Variants in PLXNA4 observed in about 807,000 individuals in gnomAD.
The protein encoded by PLXNA4 is plexin-A4.
In PLXNA4, 44 loss-of-function variants were observed where a neutral mutation model predicts 191.8. That is an observed-to-expected ratio of 0.23 (90% confidence interval 0.18 to 0.29). The LOEUF is 0.29. PLXNA4 is among the 10% of genes least tolerant of loss of function. The pLI, the probability that PLXNA4 is intolerant of heterozygous loss-of-function variation, is 1.00. For missense variants in PLXNA4, 1,800 were observed against 2,488.8 expected (o/e 0.72, Z 5.89); for synonymous variants, 1,082 against 1,009.5 (o/e 1.07, Z -1.36).
chr7:132,179,421 C>T (rs1043130231), intron 20 of PLXNA4, among the ~76,000 whole-genome samples: 39 of 150,706 alleles, frequency 2.6e-4, no homozygotes, highest in African/African-American at 8.8e-4. Flanking sequence ...CGCACACAGA[C>T]ACATATACAG....
intron 12 of PLXNA4, among the ~76,000 whole-genome samples, chr7:132,199,962 G>C (rs1001207465): frequency 6.6e-6 from 1 of 152,224 alleles, no homozygotes; most frequent in Non-Finnish European, 1.5e-5. Flanking sequence ...ATTTCTATGA[G>C]AGGGAGGTGG....
At chr7:132,398,107 C>A (rs983933828) in intron 3 of PLXNA4, among the ~76,000 whole-genome samples, 2 of 152,236 alleles carry the variant, frequency 1.3e-5, no homozygotes, top group African/African-American at 4.8e-5. Context: ...CAAAGCCACG[C>A]TGTGCCTCTA....
chr7:132,253,355 C>T (rs1192859819), intron 4 of PLXNA4, among the ~76,000 whole-genome samples: 1 of 151,812 alleles, frequency 6.6e-6, no homozygotes, highest in Non-Finnish European at 1.5e-5. Flanking sequence ...CCCACCTCAG[C>T]CTCCTGAGTA....
At chr7:132,211,565 G>T (rs1797802480) in intron 9 of PLXNA4, among the ~76,000 whole-genome samples, 1 of 152,202 alleles carries the variant, frequency 6.6e-6, no homozygotes, top group African/African-American at 2.4e-5. Context: ...GAGAAGCTCC[G>T]CAGAGAGGCA....
intron 2 of PLXNA4, among the ~76,000 whole-genome samples, chr7:132,632,328 G>C (rs1025278018): frequency 6.6e-6 from 1 of 151,376 alleles, no homozygotes; most frequent in Non-Finnish European, 1.5e-5. Flanking sequence ...GCAAGAAAAT[G>C]ATATATGTAA....
At chr7:132,250,717 G>A (rs1799218181) in intron 4 of PLXNA4, among the ~76,000 whole-genome samples, 1 of 152,222 alleles carries the variant, frequency 6.6e-6, no homozygotes, top group South Asian at 2.1e-4. Context: ...TGAGAGGAGT[G>A]TTCTGGCATT....
chr7:132,339,108 C>A (rs1802927428), intron 3 of PLXNA4, among the ~76,000 whole-genome samples: 1 of 152,174 alleles, frequency 6.6e-6, no homozygotes, highest in Non-Finnish European at 1.5e-5. Flanking sequence ...TCTCTTCTGG[C>A]TCAAGTGATT....
Position 132,211,766 on chromosome 7 carries a change from G to A in PLXNA4, c.2098-623C>T, listed in dbSNP as rs1480887696. Among the ~76,000 whole-genome samples the A allele has an allele frequency of 2.6e-5, 4 of 152,310 alleles. No homozygotes were observed. In the East Asian group the frequency reaches 7.7e-4, roughly 29 times the overall value. ...TGGCCCCAAAGAAATGCCTCTCAGAGTAGAAACACTCTGAGCTCTTTCTGG... is the reference window on the plus strand; with the variant it reads ...TGGCCCCAAAGAAATGCCTCTCAGAATAGAAACACTCTGAGCTCTTTCTGG... On this transcript the variant is annotated intron_variant, in intron 9 of 31. Coordinates refer to ENST00000321063, the MANE Select transcript of PLXNA4 (RefSeq NM_020911.2).
chr7:132,540,745 G>A (rs1041522850), intron 1 of PLXNA4, among the ~76,000 whole-genome samples: 14 of 150,838 alleles, frequency 9.3e-5, no homozygotes, highest in East Asian at 5.8e-4. Context: ...CCGCCACCGC[G>A]CCCGGCTAAT....
intron 3 of PLXNA4, among the ~76,000 whole-genome samples, chr7:132,443,038 C>T (rs750835845): frequency 1.1e-4 from 17 of 152,294 alleles, no homozygotes; most frequent in African/African-American, 2.4e-4. Flanking sequence ...GGTTTTATCA[C>T]GAAGGAGACC....
chr7:132,343,329 A>G (rs1235047832), intron 3 of PLXNA4, among the ~76,000 whole-genome samples: 1 of 152,192 alleles, frequency 6.6e-6, no homozygotes, highest in African/African-American at 2.4e-5. Flanking sequence ...AACCATCACC[A>G]CCATCCATTC....
intron 3 of PLXNA4, among the ~76,000 whole-genome samples, chr7:132,350,547 C>T (rs1251645242): frequency 6.6e-6 from 1 of 152,104 alleles, no homozygotes. Context: ...AATACATTAA[C>T]TCCATTCAGA....
At chr7:132,298,907 C>T (rs981437979) in intron 3 of PLXNA4, among the ~76,000 whole-genome samples, 10 of 152,360 alleles carry the variant, frequency 6.6e-5, no homozygotes, top group African/African-American at 1.9e-4. Context: ...TAGATCATCC[C>T]CGGCCATCCA....
chr7:132,441,352 T>C (rs1421026509), intron 3 of PLXNA4, among the ~76,000 whole-genome samples: 1 of 152,202 alleles, frequency 6.6e-6, no homozygotes, highest in East Asian at 1.9e-4. Flanking sequence ...GATTGACCAG[T>C]AAGGGGAGGC....
chr7:132,140,963 G>A, intron 29 of PLXNA4, 152 bp from the exon 30 acceptor site: 1 of 1,383,730 alleles, frequency 7.2e-7, no homozygotes, highest in Non-Finnish European at 9.6e-7. Flanking sequence ...GCCAGGGAAG[G>A]GAGGTGAGGC....
intron 25 of PLXNA4, among the ~76,000 whole-genome samples, chr7:132,156,181 C>CAG (rs1554374049): frequency 2.0e-5 from 3 of 147,800 alleles, no homozygotes; most frequent in Non-Finnish European, 4.5e-5. Context: ...CACACACACA[C>CAG]AGACGCACAC....
intron 3 of PLXNA4, among the ~76,000 whole-genome samples, chr7:132,398,510 C>G (rs1793851826): frequency 1.3e-5 from 2 of 152,216 alleles, no homozygotes; most frequent in Non-Finnish European, 2.9e-5. Flanking sequence ...CTGACGGGAA[C>G]CCCAGCTCTG....
chr7:132,223,507 T>G lies in PLXNA4; in HGVS notation c.2097+20A>C. On this transcript the variant is annotated intron_variant, in intron 9 of 31. Coordinates refer to ENST00000321063, the MANE Select transcript of PLXNA4 (RefSeq NM_020911.2). ...GCTCACAACAAGAGACACTCACCAC[T>G]CTGGCTGCCAGGGACCTACCTCGGG... is the stretch of plus-strand genomic sequence containing the variant. 1 of 1,594,508 alleles carries G rather than the reference T, an allele frequency of 6.3e-7. No individual in the cohort carries two copies. The highest frequency in any genetic ancestry group is 8.6e-7 in the Non-Finnish European group (1 of 1,166,106).
intron 3 of PLXNA4, among the ~76,000 whole-genome samples, chr7:132,326,469 G>T (rs1802361331): frequency 6.6e-6 from 1 of 152,110 alleles, no homozygotes; most frequent in Non-Finnish European, 1.5e-5. Flanking sequence ...CCCGTGGCCT[G>T]CATGGTCTGG....
Sources: gnomAD v4.1 joint callset for allele counts (sites outside exome capture counted in the v4.1 genomes callset) on GRCh38, gnomAD v4.1.1 for gene constraint, MANE v1.5 for transcripts, NCBI Gene and HGNC (gene_info 2026-07-23, HGNC 2026-07-21) for gene names.